LBP: variants seen among roughly 807,000 people sequenced by gnomAD.
LBP encodes the protein lipopolysaccharide-binding protein.
A neutral mutation model predicts 56.6 loss-of-function variants in LBP; 53 were observed. The observed-to-expected ratio is 0.94, with a 90% CI of 0.75 to 1.18. The LOEUF (loss-of-function observed/expected upper bound fraction) is 1.18. Among genes scored for constraint, LBP ranks in the 50% most tolerant of loss-of-function variants. The pLI, the probability that LBP is intolerant of heterozygous loss-of-function variation, is 0.00. For missense variants in LBP, 601 were observed against 598.3 expected (o/e 1.00, Z -0.05); for synonymous variants, 227 against 247.5 (o/e 0.92, Z 0.78).
At chr20:38,371,390 TATGGCACCTATAA>T in intron 12 of LBP, 68 bp downstream of exon 12, 2 of 1,127,070 alleles carry the variant, frequency 1.8e-6, no homozygotes, top group South Asian at 1.3e-5. Flanking sequence ...AAGCAATTGC[TATGGCACCTATAA>T]TAGGAAATAC....
At chr20:38,371,413 C>A in intron 12 of LBP, 91 bp downstream of exon 12, 1 of 981,768 alleles carries the variant, frequency 1.0e-6, no homozygotes, top group Non-Finnish European at 1.6e-6. Flanking sequence ...ATAGGAAATA[C>A]AAAAGGAGAA....
intron 8 of LBP, among the ~76,000 whole-genome samples, chr20:38,366,118 T>C (rs535301502): frequency 7.5e-4 from 114 of 152,310 alleles, no homozygotes; most frequent in African/African-American, 2.5e-3. Context: ...AGTTGAGGCC[T>C]CATGAATAAT....
At chr20:38,353,213 A>G (rs2076826489) in intron 3 of LBP, among the ~76,000 whole-genome samples, 1 of 152,222 alleles carries the variant, frequency 6.6e-6, no homozygotes. Context: ...GAAAGTATAC[A>G]TTCAGTGGCA....
At chr20:38,355,488 A>G (rs1013072678) in intron 5 of LBP, 79 bp downstream of exon 5, 42 of 1,269,444 alleles carry the variant, frequency 3.3e-5, no homozygotes, top group Non-Finnish European at 4.7e-5. Context: ...ATGGCCCTGG[A>G]CCAGGCCATG....
rs1321589531 is a variant in LBP, at chr20:38,373,982, A to C, written c.1370A>C (p.Gln457Pro). ...CCCCTTCCTCTGCTGAAGCGTGTTC[A>C]GCTCTACGACCTTGGGCTGCAGATC... ...GFPLPLLKRV[Q>P]LYDLGLQIHK... Residue 457 changes from glutamine (Q) to proline (P), a missense_variant, in exon 14 of 15, where the codon CAG (glutamine) becomes CCG (proline). By Grantham distance (76) the Gln-to-Pro change is moderately conservative. Coordinates refer to ENST00000217407, the MANE Select transcript of LBP (RefSeq NM_004139.5). 6.2e-7 allele frequency: 1 copy of C among 1,614,054 alleles called. No homozygotes were observed. Among genetic ancestry groups the C allele is most frequent in the South Asian group, 1.1e-5 (1 of 91,066 alleles).
At chr20:38,363,137 A>G (rs1057352975) in intron 6 of LBP, among the ~76,000 whole-genome samples, 1 of 152,172 alleles carries the variant, frequency 6.6e-6, no homozygotes, top group African/African-American at 2.4e-5. Context: ...TAGTGCTGCT[A>G]TAAATGTCCT....
At chr20:38,375,828 T>C (rs2083955724) in intron 14 of LBP, among the ~76,000 whole-genome samples, 1 of 152,078 alleles carries the variant, frequency 6.6e-6, no homozygotes, top group Non-Finnish European at 1.5e-5. Context: ...CAGAAAATAA[T>C]AGCCATTAAA....
rs141682537 is a variant in LBP at position 38,372,783 on chromosome 20, C to G, written c.1261-289C>G. Among the ~76,000 whole-genome samples, 716 of 152,110 alleles carry G rather than the reference C, an allele frequency of 4.7e-3. 7 individuals are homozygous for G. Among genetic ancestry groups the G allele is most frequent in the Non-Finnish European group, 6.1e-3 (415 of 68,004 alleles). Reference sequence around the variant, plus strand: ...AATTTTTTAAATTATGTAGGTAGTTCAGGAAAAACATTCTCACTGTAAATA... The same window carrying G: ...AATTTTTTAAATTATGTAGGTAGTTGAGGAAAAACATTCTCACTGTAAATA... On this transcript the variant is annotated intron_variant, in intron 12 of 14. Transcript: ENST00000217407.
chr20:38,373,109 T>G lies in LBP; in HGVS notation c.1298T>G (p.Leu433Arg), dbSNP rs1465745220. 6.2e-7 allele frequency: 1 copy of G among 1,614,034 alleles called. No individual in the cohort carries two copies. The highest frequency in any genetic ancestry group is 1.1e-5 in the South Asian group (1 of 91,074). ...LLEALLNYYI[L>R]NTFYPKFNDK... Reference sequence around the variant, plus strand: ...GAAGCGCTCCTCAACTATTACATCCTTAACACCTTCTACCCCAAGTTCAAT... The same window carrying G: ...GAAGCGCTCCTCAACTATTACATCCGTAACACCTTCTACCCCAAGTTCAAT... The change falls in exon 13 of 15, where the codon CTT becomes CGT. Residue 433 changes from leucine to arginine, a missense_variant. Transcript: ENST00000217407.
intron 7 of LBP, 122 bp downstream of exon 7, chr20:38,364,188 A>C: frequency 2.8e-6 from 2 of 702,232 alleles, no homozygotes; most frequent in Non-Finnish European, 5.0e-6. Context: ...CCGCTTTGTC[A>C]AGGGCCGGGT....
chr20:38,355,209 G>T (rs2076834405), intron 4 of LBP, 137 bp from the exon 5 acceptor site: 2 of 735,560 alleles, frequency 2.7e-6, no homozygotes, highest in Non-Finnish European at 2.4e-6. Flanking sequence ...GGCTGGATGT[G>T]CTGGGACACA....
At position 38,357,045 on chromosome 20, in the gene LBP, C is replaced by T. The variant is rs1024034294; in HGVS notation, c.588+1636C>T. On this transcript the variant is annotated intron_variant, in intron 5 of 14. Coordinates refer to ENST00000217407, the MANE Select transcript of LBP (RefSeq NM_004139.5). ...TAATTTTTTGTATTTTTAGTAGAGACGGGGTTTCACCATATTGGCCAGGCT... is the reference window on the plus strand; with the variant it reads ...TAATTTTTTGTATTTTTAGTAGAGATGGGGTTTCACCATATTGGCCAGGCT... 1.2e-4 allele frequency among the ~76,000 whole-genome samples: 19 copies of T among 152,222 alleles called. No homozygotes were observed. The South Asian group carries it at 1.7e-3, about 13-fold the overall frequency.
chr20:38,365,707 AAAAAAAAAAAATATATATAT>A (rs1464072964), intron 8 of LBP, among the ~76,000 whole-genome samples: 5,404 of 95,372 alleles, frequency 0.057, 158 homozygotes, highest in South Asian at 0.15. Flanking sequence ...AAAAAAAAAA[AAAAAAAAAAAATATATATAT>A]ATATATATAT....
rs2076899840 is a variant in LBP, at chr20:38,371,260, T to A, written c.1218-20T>A. On this transcript the variant is annotated intron_variant, in intron 11 of 14. Transcript: ENST00000217407. ...CTTGCATAAAGCCCACACCTTTTAA[T>A]CTTCTCTGATTCATTACAGGGTAAA... 1 of 1,607,592 alleles carries A rather than the reference T, an allele frequency of 6.2e-7. No individual in the cohort carries two copies. Among genetic ancestry groups the A allele is most frequent in the African/African-American group, 1.3e-5 (1 of 74,746 alleles).
chr20:38,354,627 T>TA (rs1055758129), intron 4 of LBP, among the ~76,000 whole-genome samples, 188 bp downstream of exon 4: 1 of 151,890 alleles, frequency 6.6e-6, no homozygotes, highest in Non-Finnish European at 1.5e-5. Context: ...TCATTTTCAT[T>TA]AAAAAAATAA....
intron 8 of LBP, 136 bp downstream of exon 8, chr20:38,364,888 G>A: frequency 1.2e-6 from 1 of 824,174 alleles, no homozygotes; most frequent in Non-Finnish European, 1.9e-6. Flanking sequence ...AGAAAAATAT[G>A]TTAGCACAAT....
intron 5 of LBP, among the ~76,000 whole-genome samples, chr20:38,356,052 G>GA (rs1460322742): frequency 1.4e-5 from 2 of 146,078 alleles, no homozygotes; most frequent in Non-Finnish European, 3.0e-5. Flanking sequence ...GGAGGAAAGG[G>GA]AAAAAAACAC....
intron 12 of LBP, 87 bp from the exon 13 acceptor site, chr20:38,372,985 T>C: frequency 2.6e-6 from 3 of 1,150,802 alleles, no homozygotes; most frequent in Non-Finnish European, 3.9e-6. Context: ...TAGTTTGCTT[T>C]TCCCAAGCGT....
intron 4 of LBP, 34 bp from the exon 5 acceptor site, chr20:38,355,312 C>T (rs752255715): frequency 3.7e-5 from 59 of 1,609,120 alleles, no homozygotes; most frequent in Non-Finnish European, 4.6e-5. Context: ...CGGCCATCCC[C>T]AAGTTCAGTG....
Sources: allele counts gnomAD v4.1 joint callset (sites outside exome capture counted in the v4.1 genomes callset), GRCh38; gene constraint gnomAD v4.1.1; transcripts MANE v1.5; gene names NCBI Gene and HGNC (gene_info 2026-07-23, HGNC 2026-07-21).